PCNX1: variants seen among roughly 807,000 people sequenced by gnomAD.
The protein encoded by PCNX1 is pecanex-like protein 1.
Under a neutral mutation model 242.2 loss-of-function variants are expected in PCNX1, and 78 were observed. The ratio of observed to expected loss-of-function variants is 0.32; its 90% CI spans 0.27 to 0.39. PCNX1 has a LOEUF of 0.39. PCNX1 is among the 10% of genes least tolerant of loss of function. The probability of loss-of-function intolerance (pLI) is 1.00; values close to 1 mark genes in which losing one functional copy is unlikely to be tolerated. For missense variants in PCNX1, 2,581 were observed against 2,856.5 expected (o/e 0.90, Z 2.20); for synonymous variants, 1,024 against 1,032.9 (o/e 0.99, Z 0.17).
intron 32 of PCNX1, among the ~76,000 whole-genome samples, chr14:71,104,094 G>A (rs929908953): frequency 6.6e-6 from 1 of 152,146 alleles, no homozygotes; most frequent in African/African-American, 2.4e-5. Context: ...ATTGAAACTT[G>A]ATGGCAATGC....
chr14:70,967,764 T>A (rs907164194), intron 3 of PCNX1, among the ~76,000 whole-genome samples: 1 of 152,244 alleles, frequency 6.6e-6, no homozygotes, highest in Non-Finnish European at 1.5e-5. Flanking sequence ...CACTTTGTAG[T>A]GTATGTTAAT....
chr14:70,985,908 T>A (rs1401399737), intron 6 of PCNX1, among the ~76,000 whole-genome samples: 1 of 152,168 alleles, frequency 6.6e-6, no homozygotes, highest in African/African-American at 2.4e-5. Context: ...AGATTAAATT[T>A]TTTTTTTTTG....
At chr14:70,983,597 C>G (rs2058910369) in intron 6 of PCNX1, among the ~76,000 whole-genome samples, 1 of 151,712 alleles carries the variant, frequency 6.6e-6, no homozygotes, top group South Asian at 2.1e-4. Context: ...GCCACCGTGC[C>G]CACCCATAGC....
At chr14:71,073,023 T>C (rs1016138908) in intron 26 of PCNX1, among the ~76,000 whole-genome samples, 2 of 152,200 alleles carry the variant, frequency 1.3e-5, no homozygotes, top group African/African-American at 4.8e-5. Flanking sequence ...AGACCCGTAG[T>C]GTGAGTGCGG....
intron 26 of PCNX1, among the ~76,000 whole-genome samples, chr14:71,065,951 C>G (rs1176462161): frequency 7.0e-6 from 1 of 143,148 alleles, no homozygotes; most frequent in Non-Finnish European, 1.5e-5. Flanking sequence ...TCTGAGGCCT[C>G]TGTTCTGTTC....
Position 71,108,736 on chromosome 14 carries a change from T to G in PCNX1, c.6434T>G (p.Phe2145Cys). 5.6e-6 allele frequency: 9 copies of G among 1,614,228 alleles called. No individual in the cohort carries two copies. The highest frequency in any genetic ancestry group is 7.6e-6 in the Non-Finnish European group (9 of 1,180,034). ...HSSLRMSTTGFVPCRRSSTSQ... is the reference protein window; with the variant it reads ...HSSLRMSTTGCVPCRRSSTSQ... ...TCCCTCCGGATGTCCACCACTGGGTTTGTGCCTTGTCGGCGCTCTTCTACT... is the reference window on the plus strand; with the variant it reads ...TCCCTCCGGATGTCCACCACTGGGTGTGTGCCTTGTCGGCGCTCTTCTACT... Residue 2145 changes from phenylalanine (F) to cysteine (C), a missense_variant, in exon 34 of 36, where the codon TTT becomes TGT. By Grantham distance (205) the Phe-to-Cys change is radical. This residue lies in a region of PCNX1 where 432 missense variants were observed against 433.6 expected (regional missense o/e 1.00). Coordinates refer to ENST00000304743, the MANE Select transcript of PCNX1 (RefSeq NM_014982.3).
At chr14:70,945,202 C>G (rs912951435) in intron 1 of PCNX1, among the ~76,000 whole-genome samples, 1 of 152,144 alleles carries the variant, frequency 6.6e-6, no homozygotes, top group Non-Finnish European at 1.5e-5. Flanking sequence ...AAAAAGACAC[C>G]AGTTTGGAGA....
At chr14:71,046,018 T>C (rs528290769) in intron 20 of PCNX1, among the ~76,000 whole-genome samples, 18 of 152,158 alleles carry the variant, frequency 1.2e-4, no homozygotes, top group Non-Finnish European at 2.4e-4. Flanking sequence ...ATACCAATGA[T>C]TAAATAAGCC....
At chr14:71,093,717 TCTCCTTCCAC>T (rs1273850747) in intron 30 of PCNX1, 14 of 152,330 alleles carry the variant, frequency 9.2e-5, no homozygotes, top group African/African-American at 2.6e-4. Flanking sequence ...TTCTCTTCCC[TCTCCTTCCAC>T]CTCCTCCACC....
chr14:71,034,097 T>C (rs773445180), intron 18 of PCNX1, 61 bp downstream of exon 18: 1 of 854,448 alleles, frequency 1.2e-6, no homozygotes, highest in Non-Finnish European at 1.9e-6. Flanking sequence ...GATCATGTTA[T>C]ATGAGGAACA....
intron 1 of PCNX1, among the ~76,000 whole-genome samples, chr14:70,939,976 C>T (rs1406310798): frequency 6.6e-6 from 1 of 152,004 alleles, no homozygotes; most frequent in African/African-American, 2.4e-5. Flanking sequence ...TTTCCATTTG[C>T]TTGGTAGATC....
intron 15 of PCNX1, 80 bp downstream of exon 15, chr14:71,026,962 C>A: frequency 3.2e-6 from 2 of 622,276 alleles, no homozygotes; most frequent in Admixed American, 3.0e-5. Flanking sequence ...CATTAAAATG[C>A]TTTTCCAGTT....
chr14:71,099,915 G>A (rs1165312625), intron 30 of PCNX1, among the ~76,000 whole-genome samples: 1 of 152,118 alleles, frequency 6.6e-6, no homozygotes, highest in Admixed American at 6.5e-5. Flanking sequence ...TTGTTTGCAT[G>A]ATAAATCTTT....
chr14:71,025,795 G>A (rs970652437), intron 13 of PCNX1, among the ~76,000 whole-genome samples: 11 of 149,390 alleles, frequency 7.4e-5, no homozygotes, highest in Non-Finnish European at 4.5e-5. Flanking sequence ...CTTGAGCTCA[G>A]GAGGCTGAGG....
chr14:71,108,404 T>C (rs530804254), intron 33 of PCNX1, among the ~76,000 whole-genome samples, 200 bp from the exon 34 acceptor site: 2 of 152,290 alleles, frequency 1.3e-5, no homozygotes, highest in East Asian at 3.9e-4. Context: ...AAATAAAAAA[T>C]ATATTACAAG....
chr14:71,105,308 TC>T lies in PCNX1; in HGVS notation c.6171del (p.Cys2058AlafsTer16). 2 of 1,614,080 alleles carry T rather than the reference TC, an allele frequency of 1.2e-6. No homozygotes were observed. Among genetic ancestry groups the T allele is most frequent in the Non-Finnish European group, 1.7e-6 (2 of 1,179,946 alleles). On this transcript the variant is annotated frameshift_variant, in exon 33 of 36. Transcript: ENST00000304743. LOFTEE classifies it high-confidence loss of function. ...IEDSDTGGGTSCTGNNATTAN... is the reference protein window; with the variant it reads ...IEDSDTGGGTXCTGNNATTAN... ...AGATTCTGATACTGGAGGTGGGACTTCCTGCACTGGTAACAATGCAACAACT... is the reference window on the plus strand; with the variant it reads ...AGATTCTGATACTGGAGGTGGGACTTCTGCACTGGTAACAATGCAACAACT...
In PCNX1 at chr14:71,104,315, A is replaced by C. The variant is rs555793065; in HGVS notation, c.6095+646A>C. On this transcript the variant is annotated intron_variant, in intron 32 of 35. Coordinates refer to ENST00000304743, the MANE Select transcript of PCNX1 (RefSeq NM_014982.3). ...TAGCTTAAGAAAACCAAATCTGGCAATTAAAGCAGCAAACTCTCAAATGTT... is the reference window on the plus strand; with the variant it reads ...TAGCTTAAGAAAACCAAATCTGGCACTTAAAGCAGCAAACTCTCAAATGTT... Among the ~76,000 whole-genome samples the C allele has an allele frequency of 2.0e-5, 3 of 152,316 alleles. No individual in the cohort carries two copies. In the East Asian group the frequency reaches 5.8e-4, roughly 29 times the overall value.
In PCNX1 at chr14:71,089,260, G is replaced by A. The variant is rs1393053756; in HGVS notation, c.5507G>A (p.Arg1836Gln). 6.2e-7 allele frequency: 1 copy of A among 1,610,574 alleles called. No individual in the cohort carries two copies. ...GGAGATTTCCGTATTTCTTCAATTC[G>A]AGATGAATGGATCTTTGCTGACATG... Reference protein sequence around the residue: ...FKGDFRISSIRDEWIFADMEL... With the variant: ...FKGDFRISSIQDEWIFADMEL... The change falls in exon 30 of 36, where the codon CGA becomes CAA. Residue 1836 changes from arginine to glutamine, a missense_variant. Arg to Gln is a conservative substitution (Grantham distance 43). Coordinates refer to ENST00000304743, the MANE Select transcript of PCNX1 (RefSeq NM_014982.3).
At chr14:70,999,952 A>C (rs1196049308) in intron 8 of PCNX1, among the ~76,000 whole-genome samples, 1 of 152,150 alleles carries the variant, frequency 6.6e-6, no homozygotes, top group Non-Finnish European at 1.5e-5. Context: ...AAGGGATCTT[A>C]GAGTTAATAT....
Sources: allele counts gnomAD v4.1 joint callset (sites outside exome capture counted in the v4.1 genomes callset), GRCh38; gene constraint gnomAD v4.1.1; regional missense constraint gnomAD v4.1.1; transcripts MANE v1.5; gene names NCBI Gene and HGNC (gene_info 2026-07-23, HGNC 2026-07-21).